PRKACB: variants seen among roughly 807,000 people sequenced by gnomAD.
PRKACB encodes the protein protein kinase cAMP-activated catalytic subunit beta.
A neutral mutation model predicts 51.4 loss-of-function variants in PRKACB; 16 were observed. That is an observed-to-expected ratio of 0.31 (90% CI 0.21 to 0.47). The LOEUF is 0.47. PRKACB is among the 20% of genes least tolerant of loss of function. PRKACB has a pLI of 1.00. For missense variants in PRKACB, 309 were observed against 464.5 expected (o/e 0.67, Z 3.08); for synonymous variants, 147 against 154.4 (o/e 0.95, Z 0.35).
intron 1 of PRKACB, among the ~76,000 whole-genome samples, chr1:84,098,404 A>T (rs542566106): frequency 6.6e-6 from 1 of 152,094 alleles, no homozygotes; most frequent in African/African-American, 2.4e-5. Context: ...ATCTTTGCCT[A>T]CTCCAAGTTC....
intron 1 of PRKACB, among the ~76,000 whole-genome samples, chr1:84,094,731 C>T (rs1352101145): frequency 2.6e-5 from 4 of 152,090 alleles, no homozygotes; most frequent in Middle Eastern, 3.4e-3. Flanking sequence ...TACACATACA[C>T]ACACTAAGAC....
chr1:84,143,736 CTGTA>C (rs1333923283), upstream of PRKACB, among the ~76,000 whole-genome samples: 2 of 152,022 alleles, frequency 1.3e-5, no homozygotes, highest in Non-Finnish European at 2.9e-5. Context: ...TATGTAGTTC[CTGTA>C]TGTATTAGGC....
chr1:84,198,866 T>C (rs927249110), intron 7 of PRKACB, among the ~76,000 whole-genome samples: 1 of 149,170 alleles, frequency 6.7e-6, no homozygotes, highest in Non-Finnish European at 1.5e-5. Context: ...TGTATATATA[T>C]ACACCACATA....
chr1:84,159,479 C>A (rs1655917388), intron 1 of PRKACB, among the ~76,000 whole-genome samples: 2 of 151,962 alleles, frequency 1.3e-5, no homozygotes, highest in Non-Finnish European at 2.9e-5. Context: ...TTGCTAAACT[C>A]ATTTTTTAGT....
chr1:84,193,819 A>G (rs902683322), intron 5 of PRKACB, among the ~76,000 whole-genome samples: 6 of 152,282 alleles, frequency 3.9e-5, no homozygotes, highest in African/African-American at 1.4e-4. Flanking sequence ...CAACTTACAC[A>G]ATTAACTTTC....
At position 84,206,690 on chromosome 1, in the gene PRKACB, C is replaced by T. The variant is rs1671390150; in HGVS notation, c.906+3885C>T. 2.0e-5 allele frequency among the ~76,000 whole-genome samples: 3 copies of T among 152,136 alleles called. No individual in the cohort carries two copies. In the South Asian group the frequency reaches 6.2e-4, roughly 32 times the overall value. On this transcript the variant is annotated intron_variant, in intron 8 of 9. Coordinates refer to ENST00000370685, the MANE Select transcript of PRKACB (RefSeq NM_182948.4). ...CCCTCTGCCTAGCACATGCCAAAATCCCAGCCTCCCAGAACAAAAGTAGTT... is the reference window on the plus strand; with the variant it reads ...CCCTCTGCCTAGCACATGCCAAAATTCCAGCCTCCCAGAACAAAAGTAGTT...
At chr1:84,135,135 G>C (rs1652668572) in intron 1 of PRKACB, among the ~76,000 whole-genome samples, 1 of 152,118 alleles carries the variant, frequency 6.6e-6, no homozygotes, top group South Asian at 2.1e-4. Context: ...ATACATTTCA[G>C]AGAAAACAAA....
At chr1:84,177,956 A>G (rs1042611175) in intron 1 of PRKACB, among the ~76,000 whole-genome samples, 9 of 152,016 alleles carry the variant, frequency 5.9e-5, no homozygotes, top group African/African-American at 1.9e-4. Flanking sequence ...TTTACAGTAA[A>G]ATACAAAGGA....
intron 8 of PRKACB, among the ~76,000 whole-genome samples, chr1:84,212,464 A>G (rs964202447): frequency 6.8e-6 from 1 of 147,448 alleles, no homozygotes; most frequent in African/African-American, 2.7e-5. Flanking sequence ...ATGAGAATGT[A>G]TGTCAAGTAG....
intron 8 of PRKACB, among the ~76,000 whole-genome samples, chr1:84,213,759 A>G (rs1672472948): frequency 6.6e-6 from 1 of 152,128 alleles, no homozygotes; most frequent in Admixed American, 6.5e-5. Flanking sequence ...TGGTTCTTCT[A>G]TTTATATTAC....
chr1:84,105,262 C>T (rs1239431689), intron 1 of PRKACB, among the ~76,000 whole-genome samples: 1 of 152,134 alleles, frequency 6.6e-6, no homozygotes, highest in African/African-American at 2.4e-5. Context: ...ACTGCGGTCA[C>T]TCCTCTCTTC....
intron 7 of PRKACB, among the ~76,000 whole-genome samples, chr1:84,201,737 C>G (rs1031281631): frequency 6.6e-6 from 1 of 151,906 alleles, no homozygotes; most frequent in African/African-American, 2.4e-5. Context: ...GAGGGCAGAG[C>G]AATAGATCTG....
intron 1 of PRKACB, among the ~76,000 whole-genome samples, chr1:84,122,286 A>C (rs1008928297): frequency 3.9e-5 from 6 of 152,188 alleles, no homozygotes; most frequent in Non-Finnish European, 8.8e-5. Flanking sequence ...AGAAAAATAA[A>C]AATAACCATG....
chr1:84,144,401 G>C lies in PRKACB; in HGVS notation c.40G>C (p.Gly14Arg). 1 of 1,613,220 alleles carries C rather than the reference G, an allele frequency of 6.2e-7. No homozygotes were observed. Among genetic ancestry groups the C allele is most frequent in the Non-Finnish European group, 8.5e-7 (1 of 1,179,598 alleles). ...AGAACCACCTTGTAACCAGTATACAGGTACAACTACAGCTCTTCAGAAATT... is the reference window on the plus strand; with the variant it reads ...AGAACCACCTTGTAACCAGTATACACGTACAACTACAGCTCTTCAGAAATT... ...YREPPCNQYT[G>R]TTTALQKLEG... The change falls in exon 1 of 10, where the codon GGT becomes CGT. Residue 14 changes from glycine to arginine, a missense_variant. By Grantham distance (125) the Gly-to-Arg change is moderately radical. This residue lies in a region of PRKACB where 153 missense variants were observed against 190.2 expected (regional missense o/e 0.80). Coordinates refer to ENST00000370685, the MANE Select transcript of PRKACB (RefSeq NM_182948.4).
At chr1:84,134,089 A>ACTCTTCTCC (rs749474264) in intron 1 of PRKACB, among the ~76,000 whole-genome samples, 2 of 151,790 alleles carry the variant, frequency 1.3e-5, no homozygotes, top group African/African-American at 2.4e-5. Context: ...CTCTGGCTAG[A>ACTCTTCTCC]CTCTTCTCCA....
In PRKACB at chr1:84,144,564, TA is replaced by T; in HGVS notation, c.187+19del. 1 of 1,546,542 alleles carries T rather than the reference TA, an allele frequency of 6.5e-7. No individual in the cohort carries two copies. Among genetic ancestry groups the T allele is most frequent in the African/African-American group, 1.4e-5 (1 of 70,082 alleles). On this transcript the variant is annotated intron_variant, in intron 1 of 9. Coordinates refer to ENST00000370685, the MANE Select transcript of PRKACB (RefSeq NM_182948.4). Reference sequence around the variant, plus strand: ...GACAGATCAAGTAAGTTTTGTTTTTTAAATGATACATTATAACTAGCAACTA... The same window carrying T: ...GACAGATCAAGTAAGTTTTGTTTTTTAATGATACATTATAACTAGCAACTA...
At chr1:84,080,684 T>C (rs576782131) in intron 1 of PRKACB, among the ~76,000 whole-genome samples, 1 of 152,344 alleles carries the variant, frequency 6.6e-6, no homozygotes, top group East Asian at 1.9e-4. Context: ...ATGTTCTGTG[T>C]ATTTTTTAAA....
intron 1 of PRKACB, among the ~76,000 whole-genome samples, chr1:84,153,554 A>C (rs1655092383): frequency 6.6e-6 from 1 of 152,010 alleles, no homozygotes. Context: ...ACATCTCCTA[A>C]ATCTTCCTTC....
chr1:84,163,332 T>C (rs1656494248), intron 1 of PRKACB, among the ~76,000 whole-genome samples: 1 of 152,086 alleles, frequency 6.6e-6, no homozygotes, highest in African/African-American at 2.4e-5. Context: ...AGCCTCTGTC[T>C]GTCTCATCTT....
Sources: gnomAD v4.1 joint callset for allele counts (sites outside exome capture counted in the v4.1 genomes callset) on GRCh38, gnomAD v4.1.1 for gene constraint, gnomAD v4.1.1 regional missense constraint, MANE v1.5 for transcripts, NCBI Gene and HGNC (gene_info 2026-07-23, HGNC 2026-07-21) for gene names.